The following CAAP1 variants were observed in gnomAD, a reference collection of about 807,000 sequenced individuals.
The protein encoded by CAAP1 is conserved anti-apoptotic protein.
A neutral mutation model predicts 34.0 loss-of-function variants in CAAP1; 20 were observed. The observed-to-expected ratio is 0.59, with a 90% confidence interval of 0.41 to 0.86. CAAP1 has a LOEUF of 0.86. Ranked by LOEUF, CAAP1 falls within the 40% of genes least tolerant of loss-of-function variation. CAAP1 has a pLI of 0.00. For synonymous variants in CAAP1, 213 were observed against 166.7 expected, an observed-to-expected ratio of 1.28 and a Z score of -2.14; for missense variants, 538 against 450.5, an observed-to-expected ratio of 1.19 and a Z score of -1.76.
intron 1 of CAAP1, 143 bp downstream of exon 1, chr9:26,892,270 T>G: frequency 1.3e-6 from 2 of 1,527,554 alleles, no homozygotes; most frequent in South Asian, 1.2e-5. Flanking sequence ...AGGACTTAGG[T>G]AGGAACATGA....
At chr9:26,882,796 C>T (rs761320266) in intron 4 of CAAP1, among the ~76,000 whole-genome samples, 68 of 152,160 alleles carry the variant, frequency 4.5e-4, no homozygotes, top group Non-Finnish European at 7.6e-4. Flanking sequence ...GAAACAGGCG[C>T]GGGGCTTTCC....
chr9:26,883,361 G>T (rs186420167), intron 4 of CAAP1, among the ~76,000 whole-genome samples: 3 of 152,094 alleles, frequency 2.0e-5, no homozygotes, highest in Non-Finnish European at 4.4e-5. Context: ...TCTTGCTGCC[G>T]CCATGTATGA....
intron 5 of CAAP1, among the ~76,000 whole-genome samples, chr9:26,855,438 A>G (rs1197755827): frequency 2.0e-5 from 3 of 152,216 alleles, no homozygotes; most frequent in Non-Finnish European, 4.4e-5. Flanking sequence ...CAAAACCCAC[A>G]GAATGTACAA....
intron 5 of CAAP1, among the ~76,000 whole-genome samples, chr9:26,848,119 C>A (rs1256508281): frequency 1.3e-5 from 2 of 152,154 alleles, no homozygotes; most frequent in African/African-American, 2.4e-5. Flanking sequence ...GAATTATTAT[C>A]AACTCGAATA....
At chr9:26,871,802 T>C (rs900504733) in intron 4 of CAAP1, among the ~76,000 whole-genome samples, 1 of 151,158 alleles carries the variant, frequency 6.6e-6, no homozygotes, top group Non-Finnish European at 1.5e-5. Context: ...GGGTGCCAAC[T>C]ACTTAGGAGG....
chr9:26,877,584 T>C (rs1332732110), intron 4 of CAAP1, among the ~76,000 whole-genome samples: 1 of 152,212 alleles, frequency 6.6e-6, no homozygotes, highest in Non-Finnish European at 1.5e-5. Context: ...TCAATTTCAG[T>C]TGTATGAACA....
intron 2 of CAAP1, 86 bp downstream of exon 2, chr9:26,887,227 C>T (rs1298093479): frequency 4.7e-6 from 4 of 856,118 alleles, no homozygotes; most frequent in African/African-American, 3.5e-5. Context: ...AACAAACAAA[C>T]AAAACCGCAT....
At chr9:26,878,861 C>T (rs1823513708) in intron 4 of CAAP1, among the ~76,000 whole-genome samples, 2 of 151,944 alleles carry the variant, frequency 1.3e-5, no homozygotes, top group African/African-American at 4.8e-5. Context: ...CAATGCAAAT[C>T]AATAAGTACC....
At chr9:26,882,488 C>G (rs1233090123) in intron 4 of CAAP1, among the ~76,000 whole-genome samples, 1 of 152,168 alleles carries the variant, frequency 6.6e-6, no homozygotes, top group East Asian at 1.9e-4. Context: ...GGAATCTCCA[C>G]CTAGATTTCA....
At chr9:26,859,180 G>A (rs1822948150) in intron 5 of CAAP1, among the ~76,000 whole-genome samples, 1 of 152,040 alleles carries the variant, frequency 6.6e-6, no homozygotes, top group Non-Finnish European at 1.5e-5. Flanking sequence ...ACCTGAGTGT[G>A]GTTACAGGCT....
intron 4 of CAAP1, among the ~76,000 whole-genome samples, chr9:26,876,632 C>A (rs1264586038): frequency 6.6e-6 from 1 of 152,024 alleles, no homozygotes; most frequent in East Asian, 1.9e-4. Context: ...CCACAATTGT[C>A]TACAGTATTC....
intron 4 of CAAP1, among the ~76,000 whole-genome samples, chr9:26,868,163 AATATGCCCAC>A (rs1320379283): frequency 2.0e-5 from 3 of 152,188 alleles, no homozygotes; most frequent in Non-Finnish European, 4.4e-5. Context: ...CAGCCCCCCA[AATATGCCCAC>A]ATTCTAATTC....
intron 4 of CAAP1, among the ~76,000 whole-genome samples, chr9:26,876,455 T>C (rs1012910794): frequency 2.0e-5 from 3 of 150,748 alleles, no homozygotes; most frequent in Non-Finnish European, 2.9e-5. Flanking sequence ...TATTCTATCA[T>C]ATATGCATTC....
At chr9:26,878,015 G>A (rs1357489674) in intron 4 of CAAP1, among the ~76,000 whole-genome samples, 1 of 151,706 alleles carries the variant, frequency 6.6e-6, no homozygotes, top group African/African-American at 2.4e-5. Flanking sequence ...TAACTTACTC[G>A]ACTATTTTCT....
chr9:26,865,040 T>A (rs12352229), intron 4 of CAAP1, among the ~76,000 whole-genome samples: 6,500 of 152,266 alleles, frequency 0.043, 478 homozygotes, highest in African/African-American at 0.15. Context: ...AAGCACAGTC[T>A]GCTCTTTATA....
intron 1 of CAAP1, chr9:26,892,127 T>G: frequency 1.4e-6 from 1 of 694,618 alleles, no homozygotes; most frequent in African/African-American, 1.8e-5. Context: ...CAACTCGTAT[T>G]CTTCCGGCAG....
intron 5 of CAAP1, among the ~76,000 whole-genome samples, chr9:26,850,022 T>C (rs1362560442): frequency 6.6e-6 from 1 of 152,128 alleles, no homozygotes; most frequent in Non-Finnish European, 1.5e-5. Flanking sequence ...GTATTTTTAG[T>C]AGAGACAGGG....
chr9:26,871,942 T>TAAATAAATAAATAAATAAAA (rs527835394), intron 4 of CAAP1, among the ~76,000 whole-genome samples: 58 of 151,470 alleles, frequency 3.8e-4, no homozygotes, highest in African/African-American at 1.3e-3. Flanking sequence ...AATAAATAAA[T>TAAATAAATAAATAAATAAAA]AAAATAAAAA....
At chr9:26,882,791 A>G (rs1009228849) in intron 4 of CAAP1, among the ~76,000 whole-genome samples, 3 of 152,186 alleles carry the variant, frequency 2.0e-5, no homozygotes, top group Non-Finnish European at 4.4e-5. Context: ...ACAAAGAAAC[A>G]GGCGCGGGGC....
Sources: gnomAD v4.1 joint callset for allele counts (sites outside exome capture counted in the v4.1 genomes callset) on GRCh38, gnomAD v4.1.1 for gene constraint, MANE v1.5 for transcripts, NCBI Gene and HGNC (gene_info 2026-07-23, HGNC 2026-07-21) for gene names.